The following ITGA8 variants were observed in gnomAD, a reference collection of about 807,000 sequenced individuals.
The protein encoded by ITGA8 is integrin subunit alpha 8, also known as integrin alpha-8.
ITGA8 carries 91 observed loss-of-function variants against 142.3 expected under a neutral mutation model. The ratio of observed to expected loss-of-function variants is 0.64; its 90% CI spans 0.54 to 0.76. The LOEUF (loss-of-function observed/expected upper bound fraction) is 0.76. Ranked by LOEUF, ITGA8 falls within the 30% of genes least tolerant of loss-of-function variation. The pLI is 0.00. For missense variants in ITGA8, 1,406 were observed against 1,327.7 expected (o/e 1.06, Z -0.92); for synonymous variants, 505 against 485.2 (o/e 1.04, Z -0.54).
intron 3 of ITGA8, 102 bp from the exon 4 acceptor site, chr10:15,684,229 GAATT>G: frequency 8.1e-7 from 1 of 1,238,658 alleles, no homozygotes; most frequent in South Asian, 1.6e-5. Context: ...ATTATTGGGT[GAATT>G]AATTGGCCTC....
chr10:15,602,099 C>T (rs530056227), intron 20 of ITGA8, among the ~76,000 whole-genome samples: 19 of 152,160 alleles, frequency 1.2e-4, no homozygotes, highest in Non-Finnish European at 2.2e-4. Flanking sequence ...GGATGTTCTG[C>T]TAAAAGAACA....
In ITGA8 at chr10:15,517,023, GATGT is replaced by G; in HGVS notation, c.*131_*134del. 6 of 455,132 alleles carry G rather than the reference GATGT, an allele frequency of 1.3e-5. No individual in the cohort carries two copies. Among genetic ancestry groups the G allele is most frequent in the Non-Finnish European group, 1.5e-5 (4 of 268,642 alleles). 28.2% of individuals were successfully genotyped at this position (455,132 alleles called of 1,614,324 possible). ...CTCCAAAGTGCGGTGTAGATGAGGT[GATGT>G]TTCCAGGGTCCCCTCCATTTCCTGG... On this transcript the variant is annotated 3_prime_UTR_variant, in exon 30 of 30. Transcript: ENST00000378076.
intron 2 of ITGA8, among the ~76,000 whole-genome samples, chr10:15,702,486 T>A (rs947606522): frequency 5.3e-5 from 8 of 152,182 alleles, no homozygotes; most frequent in African/African-American, 7.2e-5. Flanking sequence ...AGATGGGGTT[T>A]CACCATGTTG....
intron 11 of ITGA8, among the ~76,000 whole-genome samples, chr10:15,647,689 C>G (rs1380015713): frequency 6.6e-6 from 1 of 151,526 alleles, no homozygotes; most frequent in Admixed American, 6.6e-5. Context: ...GTCTCGATCT[C>G]CTGACCTCAT....
intron 20 of ITGA8, 72 bp from the exon 21 acceptor site, chr10:15,597,371 G>C (rs1833027452): frequency 1.6e-6 from 2 of 1,216,708 alleles, no homozygotes; most frequent in Admixed American, 1.7e-5. Flanking sequence ...CATGCTGGGG[G>C]CCTGGGAGCT....
At chr10:15,700,942 A>T (rs1835152754) in intron 2 of ITGA8, among the ~76,000 whole-genome samples, 4 of 152,170 alleles carry the variant, frequency 2.6e-5, no homozygotes. Flanking sequence ...GGAGTTAAAA[A>T]TCTATGTTTT....
intron 26 of ITGA8, among the ~76,000 whole-genome samples, chr10:15,553,770 G>A (rs550843476): frequency 6.6e-6 from 1 of 152,294 alleles, no homozygotes; most frequent in East Asian, 1.9e-4. Flanking sequence ...GGAGGCTGAG[G>A]CAGGTGGATC....
intron 4 of ITGA8, among the ~76,000 whole-genome samples, chr10:15,681,208 A>G (rs1834730512): frequency 6.6e-6 from 1 of 152,230 alleles, no homozygotes; most frequent in Admixed American, 6.5e-5. Flanking sequence ...TCTTTTGAAA[A>G]TAATATTGCT....
chr10:15,610,937 T>C (rs1833282816), intron 15 of ITGA8, among the ~76,000 whole-genome samples: 2 of 152,230 alleles, frequency 1.3e-5, no homozygotes, highest in Admixed American at 1.3e-4. Flanking sequence ...TATATTAATA[T>C]TTATTGAGCT....
At chr10:15,644,266 T>G (rs1833926463) in intron 12 of ITGA8, 45 bp from the exon 13 acceptor site, 1 of 1,542,810 alleles carries the variant, frequency 6.5e-7, no homozygotes, top group Non-Finnish European at 8.8e-7. Flanking sequence ...ATGTATTTAA[T>G]TCTTCATTTG....
At chr10:15,558,294 T>C in intron 25 of ITGA8, 92 bp from the exon 26 acceptor site, 3 of 1,455,718 alleles carry the variant, frequency 2.1e-6, no homozygotes, top group Non-Finnish European at 2.8e-6. Context: ...TTTTTTTTTC[T>C]CAGTGGAATA....
intron 23 of ITGA8, among the ~76,000 whole-genome samples, chr10:15,579,841 A>G (rs1834370779): frequency 6.6e-6 from 1 of 151,924 alleles, no homozygotes. Flanking sequence ...AGTTATAACA[A>G]AAAAACCCAA....
chr10:15,684,335 AAAT>A (rs1481299933), intron 3 of ITGA8, among the ~76,000 whole-genome samples: 10 of 152,068 alleles, frequency 6.6e-5, no homozygotes, highest in Non-Finnish European at 1.3e-4. Context: ...GGTGAAAATT[AAAT>A]ACATGCAAAA....
chr10:15,646,721 T>A, intron 12 of ITGA8, 125 bp downstream of exon 12: 1 of 627,684 alleles, frequency 1.6e-6, no homozygotes, highest in Non-Finnish European at 2.7e-6. Flanking sequence ...TTGTGATAGT[T>A]TATTAAAAAT....
intron 6 of ITGA8, among the ~76,000 whole-genome samples, chr10:15,675,966 T>C (rs1255359493): frequency 1.3e-5 from 2 of 152,318 alleles, no homozygotes; most frequent in Non-Finnish European, 1.5e-5. Flanking sequence ...GAATGGATGA[T>C]GTGAAATTAA....
At chr10:15,684,941 G>A (rs766763926) in intron 3 of ITGA8, among the ~76,000 whole-genome samples, 1 of 152,190 alleles carries the variant, frequency 6.6e-6, no homozygotes, top group Non-Finnish European at 1.5e-5. Context: ...TATCACGGAA[G>A]CCGCATCTTA....
At position 15,684,091 on chromosome 10, in the gene ITGA8, G is replaced by T. The variant is rs779778672; in HGVS notation, c.481C>A (p.Pro161Thr). 14 of 1,613,974 alleles carry T rather than the reference G, an allele frequency of 8.7e-6. No homozygotes were observed. The highest frequency in any genetic ancestry group is 1.2e-5 in the Non-Finnish European group (14 of 1,179,984). ...CCAACTGGGTCCTTTTCTGGTGTCG[G>T]TTTAAGAGTTCTCCAGTGATATAAA... ...APLYHWRTLK[P>T]TPEKDPVGTC... Residue 161 changes from proline (P) to threonine (T), a missense_variant, in exon 4 of 30, where the codon CCG becomes ACG. By Grantham distance (38) the Pro-to-Thr change is conservative. Transcript: ENST00000378076.
chr10:15,615,795 T>C (rs1833380852), intron 14 of ITGA8, among the ~76,000 whole-genome samples: 1 of 152,146 alleles, frequency 6.6e-6, no homozygotes, highest in African/African-American at 2.4e-5. Flanking sequence ...ATTATAGGCA[T>C]GAGGCACCGT....
rs371014247 is a variant in ITGA8, at chr10:15,677,621, A to T, written c.647T>A (p.Val216Glu). The T allele has an allele frequency of 1.2e-6, 2 of 1,613,468 alleles. No individual in the cohort carries two copies. Among genetic ancestry groups the T allele is most frequent in the African/African-American group, 2.7e-5 (2 of 74,906 alleles). ...CCAGTAGAAACTCCCAGGTCCTCCC[A>T]CAATAAGGTCTCCATTCTACAAAAC... ...LDFYKNGDLI[V>E]GGPGSFYWQG... The change falls in exon 6 of 30, where the codon GTG (valine) becomes GAG (glutamate). Residue 216 changes from valine (V) to glutamate (E), a missense_variant. Transcript: ENST00000378076.
Sources: gnomAD v4.1 joint callset for allele counts (sites outside exome capture counted in the v4.1 genomes callset) on GRCh38, gnomAD v4.1.1 for gene constraint, MANE v1.5 for transcripts, NCBI Gene and HGNC (gene_info 2026-07-23, HGNC 2026-07-21) for gene names.